Variants in SPIRE1 observed in about 807,000 individuals in gnomAD.
SPIRE1 encodes protein spire homolog 1.
Under a neutral mutation model 94.1 loss-of-function variants are expected in SPIRE1, and 40 were observed. The observed-to-expected ratio is 0.43, with a 90% CI of 0.33 to 0.55. The LOEUF is 0.55. SPIRE1 is among the 20% of genes least tolerant of loss of function. SPIRE1 has a pLI of 0.06. For missense variants in SPIRE1, 838 were observed against 975.2 expected, an observed-to-expected ratio of 0.86 and a Z score of 1.87; for synonymous variants, 376 against 371.7, an observed-to-expected ratio of 1.01 and a Z score of -0.13.
At chr18:12,627,929 G>A (rs2037677308) in intron 2 of SPIRE1, among the ~76,000 whole-genome samples, 1 of 149,354 alleles carries the variant, frequency 6.7e-6, no homozygotes, top group South Asian at 2.1e-4. Flanking sequence ...ATTTGTTTGA[G>A]TTCTTTGTAG....
chr18:12,535,446 GC>G, intron 4 of SPIRE1, 29 bp downstream of exon 4: 1 of 1,586,730 alleles, frequency 6.3e-7, no homozygotes, highest in African/African-American at 1.3e-5. Context: ...ATCAAACAAT[GC>G]CAATAAATAT....
At chr18:12,534,998 GA>G (rs896695252) in intron 4 of SPIRE1, among the ~76,000 whole-genome samples, 5 of 152,156 alleles carry the variant, frequency 3.3e-5, no homozygotes, top group African/African-American at 1.2e-4. Flanking sequence ...AGATCTCACT[GA>G]ATCTTCACAA....
intron 6 of SPIRE1, 43 bp downstream of exon 6, chr18:12,506,434 C>T (rs372677306): frequency 5.2e-5 from 82 of 1,591,258 alleles, no homozygotes; most frequent in Admixed American, 1.0e-4. Context: ...GCTGGGATTA[C>T]AGGAGTGAGC....
chr18:12,574,932 C>T (rs778866403), intron 2 of SPIRE1, among the ~76,000 whole-genome samples: 1 of 152,202 alleles, frequency 6.6e-6, no homozygotes, highest in Non-Finnish European at 1.5e-5. Context: ...GGAACTCTAG[C>T]ACACGTCCAC....
chr18:12,558,039 G>T (rs1598469733), intron 2 of SPIRE1, among the ~76,000 whole-genome samples: 1 of 152,294 alleles, frequency 6.6e-6, no homozygotes, highest in Non-Finnish European at 1.5e-5. Flanking sequence ...CTGGATTAAA[G>T]ACTTAAATGT....
intron 2 of SPIRE1, among the ~76,000 whole-genome samples, chr18:12,567,488 A>G (rs2035848105): frequency 6.6e-6 from 1 of 152,166 alleles, no homozygotes. Context: ...AAGGCAAAGG[A>G]CCCAGAATAG....
At position 12,446,589 on chromosome 18, in the gene SPIRE1, T is replaced by A. The variant is rs539887209; in HGVS notation, c.*3049A>T. The A allele has an allele frequency of 6.6e-6, 1 of 152,286 alleles. No homozygotes were observed. The highest frequency in any genetic ancestry group is 2.1e-4 in the South Asian group (1 of 4,828). 9.4% of individuals were successfully genotyped at this position (152,286 alleles called of 1,614,324 possible). ...ATGGAAAACATTTAGTACCATCATGTCACCCTGAATGCCAGCAATACCTCG... is the reference window on the plus strand; with the variant it reads ...ATGGAAAACATTTAGTACCATCATGACACCCTGAATGCCAGCAATACCTCG... On this transcript the variant is annotated 3_prime_UTR_variant, in exon 17 of 17. Transcript: ENST00000409402.
chr18:12,637,926 A>C (rs1218577227), intron 1 of SPIRE1, among the ~76,000 whole-genome samples: 1 of 152,228 alleles, frequency 6.6e-6, no homozygotes, highest in Admixed American at 6.5e-5. Flanking sequence ...AAAGTACTAA[A>C]AATTTTTGTG....
In SPIRE1 at chr18:12,464,428, G is replaced by A. The variant is rs142477866; in HGVS notation, c.1495+440C>T. Among the ~76,000 whole-genome samples, 494 of 152,226 alleles carry A rather than the reference G, an allele frequency of 3.2e-3. 1 individual carries two copies. The highest frequency in any genetic ancestry group is 0.011 in the African/African-American group (463 of 41,540). ...AGCCTTTAGAAATCCCTTAACTTTA[G>A]ATATCTGTGTTCAGAATCTATCTCC... On this transcript the variant is annotated intron_variant, in intron 11 of 16. Transcript: ENST00000409402.
At chr18:12,495,954 C>T in intron 7 of SPIRE1, 62 bp downstream of exon 7, 3 of 1,307,780 alleles carry the variant, frequency 2.3e-6, no homozygotes, top group Non-Finnish European at 3.3e-6. Flanking sequence ...AGAGATGACA[C>T]CCTAGAGTAG....
At chr18:12,634,445 A>G (rs185877212) in intron 2 of SPIRE1, among the ~76,000 whole-genome samples, 11 of 150,702 alleles carry the variant, frequency 7.3e-5, no homozygotes, top group African/African-American at 2.4e-4. Flanking sequence ...CTGAATTATG[A>G]AAAAAAAACT....
intron 2 of SPIRE1, among the ~76,000 whole-genome samples, chr18:12,613,823 G>A (rs931116114): frequency 5.3e-5 from 8 of 152,154 alleles, no homozygotes; most frequent in Non-Finnish European, 8.8e-5. Context: ...CCAAGGAGGC[G>A]GAGGTTACAG....
chr18:12,635,560 T>C (rs1459067467), intron 1 of SPIRE1, among the ~76,000 whole-genome samples: 3 of 152,202 alleles, frequency 2.0e-5, no homozygotes, highest in Non-Finnish European at 2.9e-5. Context: ...TTCTTTAATA[T>C]ATGCTGACTG....
intron 2 of SPIRE1, 47 bp downstream of exon 2, chr18:12,635,015 G>A: frequency 8.9e-7 from 1 of 1,121,018 alleles, no homozygotes; most frequent in Non-Finnish European, 1.3e-6. Flanking sequence ...AGTCTAAACA[G>A]GACTGCAAAG....
chr18:12,515,225 A>T (rs1469347075), intron 4 of SPIRE1, among the ~76,000 whole-genome samples: 4 of 151,644 alleles, frequency 2.6e-5, no homozygotes, highest in East Asian at 1.9e-4. Context: ...TTTTTTTTTT[A>T]AATTCCAGAC....
At chr18:12,510,740 A>G (rs1028059412) in intron 5 of SPIRE1, among the ~76,000 whole-genome samples, 1 of 151,978 alleles carries the variant, frequency 6.6e-6, no homozygotes, top group African/African-American at 2.4e-5. Flanking sequence ...ATAGCTGGCC[A>G]TGTTGGCCAG....
chr18:12,527,249 T>C (rs1359032303), intron 4 of SPIRE1, among the ~76,000 whole-genome samples: 1 of 152,254 alleles, frequency 6.6e-6, no homozygotes, highest in East Asian at 1.9e-4. Context: ...CTATCATTTG[T>C]ACAAAGTTAA....
intron 2 of SPIRE1, among the ~76,000 whole-genome samples, chr18:12,631,476 C>T (rs545103179): frequency 7.3e-6 from 1 of 136,580 alleles, no homozygotes; most frequent in South Asian, 2.3e-4. Flanking sequence ...CTTTGGGAGG[C>T]CGAGGCATGA....
At chr18:12,625,763 C>T (rs532269668) in intron 2 of SPIRE1, among the ~76,000 whole-genome samples, 5 of 152,262 alleles carry the variant, frequency 3.3e-5, no homozygotes, top group South Asian at 4.1e-4. Flanking sequence ...CAATACAGGG[C>T]GGGGCATGGT....
Sources: allele counts gnomAD v4.1 joint callset (sites outside exome capture counted in the v4.1 genomes callset), GRCh38; gene constraint gnomAD v4.1.1; transcripts MANE v1.5; gene names NCBI Gene and HGNC (gene_info 2026-07-23, HGNC 2026-07-21).